NGLY1: variants seen among roughly 807,000 people sequenced by gnomAD.
NGLY1 encodes N-glycanase 1.
NGLY1 carries 68 observed loss-of-function variants against 84.6 expected under a neutral mutation model. That is an observed-to-expected ratio of 0.80 (90% CI 0.66 to 0.98). NGLY1 has a LOEUF of 0.98. NGLY1 is among the 50% of genes least tolerant of loss of function. The pLI is 0.00. For missense variants in NGLY1, 779 were observed against 770.2 expected, an observed-to-expected ratio of 1.01 and a Z score of -0.14; for synonymous variants, 280 against 275.2, an observed-to-expected ratio of 1.02 and a Z score of -0.17.
chr3:25,733,898 C>G lies in NGLY1; in HGVS notation c.1234G>C (p.Asp412His). ...TGCTTATTAAGCCCATTAATAGTGT[C>G]TCGAAGTAATGCTTCTTTAACCTTA... ...RTKVKEALLR[D>H]TINGLNKQRQ... Residue 412 changes from aspartate (D) to histidine (H), a missense_variant, in exon 8 of 12, where the codon GAC (aspartate) becomes CAC (histidine). By Grantham distance (81) the Asp-to-His change is moderately conservative. Coordinates refer to ENST00000280700, the MANE Select transcript of NGLY1 (RefSeq NM_018297.4). 1 of 1,613,630 alleles carries G rather than the reference C, an allele frequency of 6.2e-7. No individual in the cohort carries two copies. The highest frequency in any genetic ancestry group is 2.2e-5 in the East Asian group (1 of 44,840).
chr3:25,778,747 G>A, intron 1 of NGLY1, 59 bp from the exon 2 acceptor site: 1 of 1,019,784 alleles, frequency 9.8e-7, no homozygotes, highest in East Asian at 2.5e-5. Flanking sequence ...GTTCTTCAAA[G>A]ACTTTACTTT....
intron 4 of NGLY1, among the ~76,000 whole-genome samples, chr3:25,744,747 G>A (rs1706333229): frequency 6.6e-6 from 1 of 152,204 alleles, no homozygotes; most frequent in African/African-American, 2.4e-5. Context: ...AAGAGAAGAA[G>A]CTCAAATTAG....
intron 10 of NGLY1, among the ~76,000 whole-genome samples, chr3:25,721,278 G>A (rs1489765667): frequency 6.6e-6 from 1 of 152,110 alleles, no homozygotes; most frequent in East Asian, 1.9e-4. Flanking sequence ...TGTTGCCCAG[G>A]CTGGTCTTGA....
intron 4 of NGLY1, among the ~76,000 whole-genome samples, chr3:25,744,335 C>T (rs1257189163): frequency 6.6e-6 from 1 of 152,200 alleles, no homozygotes; most frequent in African/African-American, 2.4e-5. Flanking sequence ...TCATGACAAA[C>T]CTTCAGTCTA....
At chr3:25,765,577 G>A (rs1575651911) in intron 2 of NGLY1, among the ~76,000 whole-genome samples, 1 of 151,990 alleles carries the variant, frequency 6.6e-6, no homozygotes, top group East Asian at 1.9e-4. Flanking sequence ...CAGACCTACA[G>A]GAATCAACTG....
chr3:25,769,668 C>T lies in NGLY1; in HGVS notation c.247-5357G>A, dbSNP rs569081133. ...CTCAAAAAAACTAAAAATAGAACTA[C>T]CATATGATCCAGTAATCCTACTGCT... On this transcript the variant is annotated intron_variant, in intron 2 of 11. Coordinates refer to ENST00000280700, the MANE Select transcript of NGLY1 (RefSeq NM_018297.4). Among the ~76,000 whole-genome samples the T allele has an allele frequency of 4.1e-4, 62 of 152,182 alleles. No homozygotes were observed. In the South Asian group the frequency reaches 0.012, roughly 29 times the overall value.
At chr3:25,738,837 C>A (rs369525693) in intron 5 of NGLY1, among the ~76,000 whole-genome samples, 3 of 152,008 alleles carry the variant, frequency 2.0e-5, no homozygotes, top group African/African-American at 7.2e-5. Context: ...ATTTTTAAAA[C>A]GTGGTATCTT....
intron 2 of NGLY1, among the ~76,000 whole-genome samples, chr3:25,775,366 GC>G (rs1261485231): frequency 2.0e-5 from 3 of 152,162 alleles, no homozygotes; most frequent in African/African-American, 7.2e-5. Flanking sequence ...ATTCACAATG[GC>G]CAAGATATGG....
chr3:25,778,260 T>C (rs1708246150), intron 2 of NGLY1: 1 of 181,132 alleles, frequency 5.5e-6, no homozygotes, highest in Non-Finnish European at 1.2e-5. Flanking sequence ...AGTATTCATG[T>C]GTGCTCACAA....
intron 10 of NGLY1, among the ~76,000 whole-genome samples, chr3:25,720,707 C>CGGG (rs1254295144): frequency 2.0e-5 from 3 of 152,152 alleles, no homozygotes; most frequent in Non-Finnish European, 4.4e-5. Context: ...AAATAGCATG[C>CGGG]TCCCTGTTCC....
intron 2 of NGLY1, among the ~76,000 whole-genome samples, chr3:25,769,300 G>T (rs756973769): frequency 6.6e-6 from 1 of 152,198 alleles, no homozygotes; most frequent in African/African-American, 2.4e-5. Flanking sequence ...GGTGAAGGCT[G>T]CAGTAAGCCG....
Position 25,720,188 on chromosome 3 carries a change from A to ATACC in NGLY1, c.1612-1_1614dup (p.Tyr539GlyfsTer19). On this transcript the variant is annotated frameshift_variant, in exon 11 of 12. Transcript: ENST00000280700. LOFTEE classifies it high-confidence loss of function. ...GATGATCCTTCCTTTCGGGCCAAAT[A>ATACC]TACCTATAAGGAGTAGGGATGGGGA... 6.2e-7 allele frequency: 1 copy of ATACC among 1,613,038 alleles called. No homozygotes were observed. Among genetic ancestry groups the ATACC allele is most frequent in the South Asian group, 1.1e-5 (1 of 91,020 alleles).
intron 3 of NGLY1, among the ~76,000 whole-genome samples, chr3:25,763,542 C>T (rs1416164440): frequency 2.0e-5 from 3 of 152,072 alleles, no homozygotes; most frequent in Non-Finnish European, 2.9e-5. Context: ...AGAAATATCA[C>T]AAGAATTTTT....
intron 3 of NGLY1, among the ~76,000 whole-genome samples, chr3:25,762,806 T>G (rs1707379281): frequency 6.6e-6 from 1 of 151,902 alleles, no homozygotes; most frequent in African/African-American, 2.4e-5. Flanking sequence ...CACAAAAAAT[T>G]AGCCAAGTGT....
intron 3 of NGLY1, among the ~76,000 whole-genome samples, chr3:25,754,274 CT>C (rs565020310): frequency 1.6e-4 from 24 of 152,114 alleles, no homozygotes; most frequent in Non-Finnish European, 2.2e-4. Flanking sequence ...CAACAAGGTC[CT>C]TGAACCTGAA....
At chr3:25,752,879 A>C (rs541820895) in intron 3 of NGLY1, among the ~76,000 whole-genome samples, 1 of 152,070 alleles carries the variant, frequency 6.6e-6, no homozygotes, top group South Asian at 2.1e-4. Context: ...AAACGGTAGA[A>C]TAAACATGGC....
At chr3:25,777,310 G>A (rs1375967804) in intron 2 of NGLY1, among the ~76,000 whole-genome samples, 2 of 143,152 alleles carry the variant, frequency 1.4e-5, no homozygotes, top group African/African-American at 5.0e-5. Flanking sequence ...CAGGAGAATC[G>A]CTTGAATCCA....
chr3:25,764,133 G>C lies in NGLY1; in HGVS notation c.425C>G (p.Pro142Arg). ...TQLPTTPSSNPSGLNQHTRNR... is the reference protein window; with the variant it reads ...TQLPTTPSSNRSGLNQHTRNR... ...CCTTGTGTGCTGGTTTAACCCACTG[G>C]GATTTGAAGATGGTGTTGTAGGAAG... The change falls in exon 3 of 12, where the codon CCC (proline) becomes CGC (arginine). Residue 142 changes from proline to arginine, a missense_variant. By Grantham distance (103) the Pro-to-Arg change is moderately radical (BLOSUM62 -2). Transcript: ENST00000280700. The C allele has an allele frequency of 1.2e-6, 2 of 1,614,158 alleles. No homozygotes were observed. Among genetic ancestry groups the C allele is most frequent in the Non-Finnish European group, 1.7e-6 (2 of 1,180,030 alleles).
Position 25,719,391 on chromosome 3 carries a change from T to C in NGLY1, c.*69A>G, listed in dbSNP as rs1704861640. ...CAGGGTGGTAACTGCCAACTAAGCA[T>C]GCACTGAACCAACAGACTACTTCAG... On this transcript the variant is annotated 3_prime_UTR_variant, in exon 12 of 12. Transcript: ENST00000280700. 7 of 1,355,204 alleles carry C rather than the reference T, an allele frequency of 5.2e-6. No homozygotes were observed. The highest frequency in any genetic ancestry group is 1.8e-5 in the Admixed American group (1 of 54,624). The allele number at this position is 1,355,204 out of a possible 1,614,324, so 83.9% of individuals were successfully genotyped here. A position where few individuals can be genotyped will look rare whatever the true frequency, so the allele number is the denominator to read the frequency against.
Sources: gnomAD v4.1 joint callset for allele counts (sites outside exome capture counted in the v4.1 genomes callset) on GRCh38, gnomAD v4.1.1 for gene constraint, MANE v1.5 for transcripts, NCBI Gene and HGNC (gene_info 2026-07-23, HGNC 2026-07-21) for gene names.